LDLRAD4: variants seen among roughly 807,000 people sequenced by gnomAD.
LDLRAD4 encodes the protein low density lipoprotein receptor class A domain containing 4.
In LDLRAD4, 5 loss-of-function variants were observed where a neutral mutation model predicts 17.0. The observed-to-expected ratio is 0.29, with a 90% CI of 0.15 to 0.62. The LOEUF (loss-of-function observed/expected upper bound fraction) is 0.62. Among genes scored for constraint, LDLRAD4 ranks in the 20% least tolerant of loss-of-function variants. The pLI, the probability that LDLRAD4 is intolerant of heterozygous loss-of-function variation, is 0.84. For synonymous variants in LDLRAD4, 168 were observed against 171.8 expected (o/e 0.98, Z 0.17); for missense variants, 340 against 424.7 (o/e 0.80, Z 1.75).
intron 3 of LDLRAD4, among the ~76,000 whole-genome samples, chr18:13,547,376 C>T (rs573147526): frequency 2.0e-4 from 31 of 152,334 alleles, no homozygotes; most frequent in Admixed American, 4.6e-4. Flanking sequence ...TAACTTTGTG[C>T]GTCTGCTGTA....
At chr18:13,575,517 C>T (rs768108655) in intron 3 of LDLRAD4, among the ~76,000 whole-genome samples, 4 of 152,202 alleles carry the variant, frequency 2.6e-5, no homozygotes, top group Non-Finnish European at 5.9e-5. Context: ...GTGAATTGTG[C>T]TGCTATAAAC....
intron 2 of LDLRAD4, among the ~76,000 whole-genome samples, chr18:13,430,588 T>C (rs563678675): frequency 1.3e-5 from 2 of 152,316 alleles, no homozygotes; most frequent in African/African-American, 4.8e-5. Flanking sequence ...TTCTGTGTCT[T>C]GATCAGGGTG....
At chr18:13,414,067 A>G (rs1202431105) in intron 2 of LDLRAD4, among the ~76,000 whole-genome samples, 1 of 152,218 alleles carries the variant, frequency 6.6e-6, no homozygotes, top group Non-Finnish European at 1.5e-5. Flanking sequence ...GAGGTGCACT[A>G]TAGTCCACCA....
chr18:13,603,948 G>C (rs2095193803), intron 3 of LDLRAD4, among the ~76,000 whole-genome samples: 1 of 152,260 alleles, frequency 6.6e-6, no homozygotes, highest in Admixed American at 6.5e-5. Context: ...ACATCAAAGA[G>C]ACTCAACCTC....
chr18:13,454,970 C>T lies in LDLRAD4; in HGVS notation c.181+16586C>T, dbSNP rs115019058. On this transcript the variant is annotated intron_variant, in intron 3 of 5. Coordinates refer to ENST00000359446, the Ensembl canonical transcript of LDLRAD4. ...CATGCGCCCTGGTGGGTGCTCAGTC[C>T]GCGTTTGTTGAGTGGATGATCACAA... Among the ~76,000 whole-genome samples, 558 of 152,354 alleles carry T rather than the reference C, an allele frequency of 3.7e-3. 2 individuals are homozygous for T. The highest frequency in any genetic ancestry group is 0.012 in the African/African-American group (481 of 41,584).
chr18:13,262,832 G>A (rs1269037475), intron 1 of LDLRAD4, among the ~76,000 whole-genome samples: 1 of 57,412 alleles, frequency 1.7e-5, no homozygotes, highest in Non-Finnish European at 2.9e-5. Flanking sequence ...GTGCGTTGGG[G>A]CTGAGTCCCG....
chr18:13,448,924 G>C (rs1347455779), intron 3 of LDLRAD4, among the ~76,000 whole-genome samples: 1 of 152,182 alleles, frequency 6.6e-6, no homozygotes, highest in Non-Finnish European at 1.5e-5. Flanking sequence ...CTGGGCTGGT[G>C]CCTCTTTCAG....
At chr18:13,528,347 C>T (rs2094068501) in intron 3 of LDLRAD4, among the ~76,000 whole-genome samples, 2 of 152,198 alleles carry the variant, frequency 1.3e-5, no homozygotes, top group African/African-American at 4.8e-5. Flanking sequence ...GAGTCTTGCT[C>T]TGTCGCCCAG....
intron 3 of LDLRAD4, among the ~76,000 whole-genome samples, chr18:13,546,048 C>T (rs1441533905): frequency 6.6e-6 from 1 of 152,192 alleles, no homozygotes; most frequent in Non-Finnish European, 1.5e-5. Context: ...AGTTCCCTAC[C>T]TGTGAAGTGA....
intron 3 of LDLRAD4, among the ~76,000 whole-genome samples, chr18:13,518,296 G>T (rs115787987): frequency 9.4e-4 from 143 of 152,182 alleles, no homozygotes; most frequent in African/African-American, 3.2e-3. Context: ...ACAGTCATTA[G>T]TTCACTCCTC....
chr18:13,473,678 T>TATATATATATATAA lies in LDLRAD4; in HGVS notation c.181+35295_181+35296insTATATATATATAAA, dbSNP rs374731826. Among the ~76,000 whole-genome samples, 160 of 79,930 alleles carry TATATATATATATAA rather than the reference T, an allele frequency of 2.0e-3. 22 individuals carry two copies. Among genetic ancestry groups the TATATATATATATAA allele is most frequent in the East Asian group, 3.3e-3 (9 of 2,688 alleles). The allele number at this position is 79,930 out of a possible 152,430, so 52.4% of individuals were successfully genotyped here. A position where few individuals can be genotyped will look rare whatever the true frequency, so the allele number is the denominator to read the frequency against. On this transcript the variant is annotated intron_variant, in intron 3 of 5. Transcript: ENST00000359446. ...ATATATATATATATATATATATATA[T>TATATATATATATAA]AACGTTTACATTTTATATATATTTA...
intron 3 of LDLRAD4, among the ~76,000 whole-genome samples, chr18:13,532,117 C>T (rs2094137709): frequency 6.6e-6 from 1 of 152,168 alleles, no homozygotes; most frequent in Non-Finnish European, 1.5e-5. Flanking sequence ...GGGCTGGGGA[C>T]AGCCGATGCA....
intron 3 of LDLRAD4, among the ~76,000 whole-genome samples, chr18:13,599,559 C>T (rs752414963): frequency 2.1e-5 from 3 of 145,902 alleles, no homozygotes; most frequent in Non-Finnish European, 4.5e-5. Flanking sequence ...GGCGTGATCA[C>T]GGCTCACTGC....
At chr18:13,560,530 G>A (rs372019755) in intron 3 of LDLRAD4, among the ~76,000 whole-genome samples, 11 of 152,206 alleles carry the variant, frequency 7.2e-5, no homozygotes, top group African/African-American at 2.4e-4. Context: ...CCCTTCAGAT[G>A]ACCTGGTAGG....
intron 3 of LDLRAD4, among the ~76,000 whole-genome samples, chr18:13,536,036 T>A (rs1320349447): frequency 6.6e-6 from 1 of 152,186 alleles, no homozygotes; most frequent in African/African-American, 2.4e-5. Context: ...CCAATATCAT[T>A]GTCTCTTGAT....
At chr18:13,595,674 ATGT>A (rs2095087099) in intron 3 of LDLRAD4, among the ~76,000 whole-genome samples, 1 of 151,968 alleles carries the variant, frequency 6.6e-6, no homozygotes, top group South Asian at 2.1e-4. Context: ...TTAAATGTGT[ATGT>A]TGTTTATTGC....
intron 1 of LDLRAD4, among the ~76,000 whole-genome samples, chr18:13,349,645 T>C (rs1426529500): frequency 6.6e-5 from 10 of 152,232 alleles, no homozygotes; most frequent in African/African-American, 2.2e-4. Flanking sequence ...CTTTAAGTTC[T>C]GGGATACAAG....
At chr18:13,448,937 A>T (rs1367461602) in intron 3 of LDLRAD4, among the ~76,000 whole-genome samples, 2 of 152,194 alleles carry the variant, frequency 1.3e-5, no homozygotes, top group East Asian at 3.9e-4. Context: ...TCTTTCAGTC[A>T]TGGCAGCTTT....
At chr18:13,415,520 T>C (rs2088798918) in intron 2 of LDLRAD4, among the ~76,000 whole-genome samples, 1 of 152,108 alleles carries the variant, frequency 6.6e-6, no homozygotes, top group South Asian at 2.1e-4. Context: ...GAAGTCTGGT[T>C]GTATAGGCAG....
Sources: gnomAD v4.1 joint callset for allele counts (sites outside exome capture counted in the v4.1 genomes callset) on GRCh38, gnomAD v4.1.1 for gene constraint, MANE v1.5 for transcripts, NCBI Gene and HGNC (gene_info 2026-07-23, HGNC 2026-07-21) for gene names.